PTPN18: variants seen among roughly 807,000 people sequenced by gnomAD.
PTPN18 encodes protein tyrosine phosphatase non-receptor type 18, also known as tyrosine-protein phosphatase non-receptor type 18.
In PTPN18, 65 loss-of-function variants were observed where a neutral mutation model predicts 65.4. That is an observed-to-expected ratio of 0.99 (90% CI 0.81 to 1.22). The LOEUF (loss-of-function observed/expected upper bound fraction) is 1.22. PTPN18 is among the 50% of genes most tolerant of loss of function. The probability of loss-of-function intolerance (pLI) is 0.00; values close to 1 mark genes in which losing one functional copy is unlikely to be tolerated. For missense variants in PTPN18, 616 were observed against 646.5 expected, an observed-to-expected ratio of 0.95 and a Z score of 0.51; for synonymous variants, 255 against 267.8, an observed-to-expected ratio of 0.95 and a Z score of 0.47.
intron 1 of PTPN18, among the ~76,000 whole-genome samples, chr2:130,356,910 G>T (rs1004656885): frequency 6.6e-6 from 1 of 152,224 alleles, no homozygotes. Context: ...CTAAACGTGG[G>T]CCAGGTGCGG....
intron 1 of PTPN18, among the ~76,000 whole-genome samples, chr2:130,357,878 A>G (rs1680043777): frequency 6.6e-6 from 1 of 151,718 alleles, no homozygotes; most frequent in South Asian, 2.1e-4. Context: ...AAAAAAAGTA[A>G]CAGATAATTA....
At position 130,372,883 on chromosome 2, in the gene PTPN18, C is replaced by G. The variant is rs778600876; in HGVS notation, c.1251C>G (p.Asp417Glu). The G allele has an allele frequency of 6.8e-6, 11 of 1,614,212 alleles. No individual in the cohort carries two copies. In the East Asian group the frequency reaches 2.5e-4, roughly 36 times the overall value. The change falls in exon 14 of 15, where the codon GAC becomes GAG. Residue 417 changes from aspartate to glutamate, a missense_variant. Transcript: ENST00000175756. ...GTCTGCTGCCCTCAGTTCCTGCTGA[C>G]CAAAGTCCTGCCGGATCTGGCGCCT... is the stretch of plus-strand genomic sequence containing the variant. ...RGTLPGRVPA[D>E]QSPAGSGAYE...
rs1444509429 is a variant in PTPN18, at chr2:130,374,231, CCT to C, written c.*1008_*1009del. ...CAGATGGACCCCCAGCAAATCAGGA[CCT>C]ATCTAGGCAGACCCCAGCCAGACCC... On this transcript the variant is annotated 3_prime_UTR_variant, in exon 15 of 15. Coordinates refer to ENST00000175756, the MANE Select transcript of PTPN18 (RefSeq NM_014369.4). 22 of 172,954 alleles carry C rather than the reference CCT, an allele frequency of 1.3e-4. No individual in the cohort carries two copies. Among genetic ancestry groups the C allele is most frequent in the Admixed American group, 1.2e-3 (21 of 17,512 alleles). 10.7% of individuals were successfully genotyped at this position (172,954 alleles called of 1,614,324 possible).
In PTPN18 at chr2:130,359,945, A is replaced by G. The variant is rs1680142620; in HGVS notation, c.414+299A>G. On this transcript the variant is annotated intron_variant, in intron 5 of 14. Transcript: ENST00000175756. Reference sequence around the variant, plus strand: ...CTTTCCACCTCTCTTCCCTTTATTCACTCCACTCTAACAACTCTGGTCTCT... The same window carrying G: ...CTTTCCACCTCTCTTCCCTTTATTCGCTCCACTCTAACAACTCTGGTCTCT... 6 of 409,098 alleles carry G rather than the reference A, an allele frequency of 1.5e-5. 1 individual carries two copies. In the South Asian group the frequency reaches 1.7e-4, roughly 12 times the overall value. The allele number at this position is 409,098 out of a possible 1,614,324, so 25.3% of individuals were successfully genotyped here. A position where few individuals can be genotyped will look rare whatever the true frequency, so the allele number is the denominator to read the frequency against.
chr2:130,367,225 G>A (rs1680414661), intron 5 of PTPN18, among the ~76,000 whole-genome samples: 2 of 151,970 alleles, frequency 1.3e-5, no homozygotes, highest in South Asian at 2.1e-4. Context: ...ATTTGTTTGT[G>A]ATGAATTCCC....
intron 1 of PTPN18, 62 bp downstream of exon 1, chr2:130,356,262 C>T: frequency 8.5e-7 from 1 of 1,182,120 alleles, no homozygotes; most frequent in African/African-American, 1.6e-5. Flanking sequence ...TACGCCTGTC[C>T]TCCGCGCACG....
intron 1 of PTPN18, chr2:130,356,582 T>C (rs1425420629): frequency 2.1e-6 from 1 of 483,742 alleles, no homozygotes; most frequent in Non-Finnish European, 4.2e-6. Context: ...GCGACCTGAC[T>C]GTCCCCTGTG....
chr2:130,372,791 G>A, intron 13 of PTPN18, 82 bp from the exon 14 acceptor site: 2 of 1,529,272 alleles, frequency 1.3e-6, no homozygotes, highest in Non-Finnish European at 1.8e-6. Flanking sequence ...CGGGCCTCCG[G>A]GGAAGCGTCC....
intron 5 of PTPN18, among the ~76,000 whole-genome samples, chr2:130,365,254 T>C (rs1037187720): frequency 6.6e-6 from 1 of 152,250 alleles, no homozygotes; most frequent in Non-Finnish European, 1.5e-5. Context: ...CCATTGTATA[T>C]GTGGTCTGTT....
Position 130,375,007 on chromosome 2 carries a change from G to A in PTPN18, c.*1783G>A, listed in dbSNP as rs759371309. The A allele has an allele frequency of 6.9e-5, 15 of 216,422 alleles. No homozygotes were observed. Among genetic ancestry groups the A allele is most frequent in the East Asian group, 2.6e-4 (2 of 7,836 alleles). 13.4% of individuals were successfully genotyped at this position (216,422 alleles called of 1,614,324 possible). The stretch of plus-strand genomic sequence containing the variant: ...GCTGGTGTGATATCATACCTTCGCC[G>A]GCCGCCTTTCCTTCCTGTTCTCTGT... On this transcript the variant is annotated 3_prime_UTR_variant, in exon 15 of 15. Transcript: ENST00000175756.
rs181597378 is a variant in PTPN18, at chr2:130,370,487, T to A, written c.690-70T>A. ...GGATCCATCAGGACCCTCACCCCCA[T>A]CCCCAAATGCCCCATCTAAAAGGGG... On this transcript the variant is annotated intron_variant, in intron 8 of 14. Coordinates refer to ENST00000175756, the MANE Select transcript of PTPN18 (RefSeq NM_014369.4). 9.8e-5 allele frequency: 153 copies of A among 1,563,308 alleles called. No homozygotes were observed. In the African/African-American group the frequency reaches 1.8e-3, roughly 18 times the overall value.
At chr2:130,371,121 T>G in intron 11 of PTPN18, 78 bp from the exon 12 acceptor site, 2 of 1,428,298 alleles carry the variant, frequency 1.4e-6, no homozygotes, top group Non-Finnish European at 1.9e-6. Flanking sequence ...CTCTCCCATC[T>G]TAAGCTTTCT....
At chr2:130,371,308 A>C in intron 12 of PTPN18, 21 bp downstream of exon 12, 1 of 1,537,816 alleles carries the variant, frequency 6.5e-7, no homozygotes, top group African/African-American at 1.4e-5. Flanking sequence ...CCATCCCCGG[A>C]TTCTTCCCTG....
At chr2:130,372,026 A>G (rs1680579857) in intron 12 of PTPN18, 2 of 515,384 alleles carry the variant, frequency 3.9e-6, no homozygotes, top group South Asian at 4.8e-5. Flanking sequence ...CCTCAAACCA[A>G]CACTCTGCCC....
chr2:130,360,742 G>A (rs1056643958), intron 5 of PTPN18, among the ~76,000 whole-genome samples: 5 of 151,956 alleles, frequency 3.3e-5, no homozygotes, highest in Non-Finnish European at 7.4e-5. Context: ...CCAATCTTTG[G>A]ACTAGAAGTT....
intron 5 of PTPN18, among the ~76,000 whole-genome samples, chr2:130,367,541 G>A (rs1489472189): frequency 2.0e-5 from 3 of 152,088 alleles, no homozygotes; most frequent in Non-Finnish European, 4.4e-5. Context: ...GGACATGGTG[G>A]TGTGTGTCTG....
Position 130,373,138 on chromosome 2 carries a change from G to A in PTPN18, c.1316-19G>A, listed in dbSNP as rs776014693. 5.1e-6 allele frequency: 8 copies of A among 1,561,602 alleles called. No homozygotes were observed. Among genetic ancestry groups the A allele is most frequent in the African/African-American group, 1.4e-5 (1 of 73,152 alleles). On this transcript the variant is annotated intron_variant, in intron 14 of 14. Coordinates refer to ENST00000175756, the MANE Select transcript of PTPN18 (RefSeq NM_014369.4). This position sits in a 1 kb window ranked among gnomAD's most constrained non-coding sequence, Gnocchi z 4.1. ...ACCTCAGCTTCTCCATGAGACCCACGGCACCCTTCTTCTCCCAGGTTTCAA... is the reference window on the plus strand; with the variant it reads ...ACCTCAGCTTCTCCATGAGACCCACAGCACCCTTCTTCTCCCAGGTTTCAA...
chr2:130,361,516 T>TTCTC (rs200864796), intron 5 of PTPN18, among the ~76,000 whole-genome samples: 1 of 18,632 alleles, frequency 5.4e-5, no homozygotes, highest in Non-Finnish European at 1.7e-4. Flanking sequence ...TTCTTTCTCT[T>TTCTC]TCTTTCTTTC....
Position 130,372,401 on chromosome 2 carries a change from G to T in PTPN18, c.1158G>T (p.Ala386=), listed in dbSNP as rs995083558. The T allele has an allele frequency of 1.2e-5, 16 of 1,364,790 alleles. No homozygotes were observed. The highest frequency in any genetic ancestry group is 1.4e-5 in the Non-Finnish European group (15 of 1,064,734). The allele number at this position is 1,364,790 out of a possible 1,614,324, so 84.5% of individuals were successfully genotyped here. ...TGTGARSAEE[A]PLYSKVTPRA... is the part of the protein sequence containing the mutation. ...CGGGGGCGCGCAGCGCGGAGGAGGC[G>T]CCGCTCTACAGCAAGGTGACGCCGC... The change falls in exon 13 of 15, where the codon GCG becomes GCT. Residue 386 remains alanine (A), a synonymous_variant. Transcript: ENST00000175756.
Sources: allele counts gnomAD v4.1 joint callset (sites outside exome capture counted in the v4.1 genomes callset), GRCh38; gene constraint gnomAD v4.1.1; non-coding constraint Gnocchi (gnomAD v3.1); transcripts MANE v1.5; gene names NCBI Gene and HGNC (gene_info 2026-07-23, HGNC 2026-07-21).